PAK3: variants seen among roughly 807,000 people sequenced by gnomAD.
PAK3 encodes the protein serine/threonine-protein kinase PAK 3.
A neutral mutation model predicts 41.0 loss-of-function variants in PAK3; 4 were observed. The observed-to-expected ratio is 0.10, with a 90% confidence interval of 0.05 to 0.22. The LOEUF is 0.22. Ranked by LOEUF, PAK3 falls within the 10% of genes least tolerant of loss-of-function variation. The probability of loss-of-function intolerance (pLI) is 1.00; values close to 1 mark genes in which losing one functional copy is unlikely to be tolerated. For synonymous variants in PAK3, 146 were observed against 139.6 expected (o/e 1.05, Z -0.32); for missense variants, 205 against 409.9 (o/e 0.50, Z 4.32).
intron 1 of PAK3, among the ~76,000 whole-genome samples, chrX:111,004,777 T>A (rs1318955054): frequency 8.9e-6 from 1 of 112,280 alleles, no homozygotes; most frequent in Non-Finnish European, 1.9e-5. Flanking sequence ...TCCTAATGGT[T>A]GTCTAGGAAT....
At chrX:111,176,351 G>A (rs969174367) in intron 11 of PAK3, among the ~76,000 whole-genome samples, 2 of 110,399 alleles carry the variant, frequency 1.8e-5, no homozygotes, top group African/African-American at 6.6e-5. Context: ...GGGGGGCGAA[G>A]GGAGTGAGAG....
At chrX:110,981,399 A>G (rs890386550) in intron 1 of PAK3, among the ~76,000 whole-genome samples, 1 of 111,947 alleles carries the variant, frequency 8.9e-6, no homozygotes, top group African/African-American at 3.3e-5. Context: ...ATTAGATCAT[A>G]ATGTTGCATG....
intron 1 of PAK3, among the ~76,000 whole-genome samples, chrX:111,030,964 G>C (rs972982268): frequency 1.8e-5 from 2 of 111,380 alleles, no homozygotes; most frequent in African/African-American, 6.5e-5. Context: ...GGCAACTGGC[G>C]AACAACTAAC....
At chrX:111,058,054 A>G (rs532576332) in intron 1 of PAK3, among the ~76,000 whole-genome samples, 2 of 112,380 alleles carry the variant, frequency 1.8e-5, no homozygotes, top group African/African-American at 3.2e-5. Flanking sequence ...GTATGGATAT[A>G]CCACATTTTG....
chrX:111,143,767 T>C (rs2093906887), intron 6 of PAK3, among the ~76,000 whole-genome samples: 1 of 112,049 alleles, frequency 8.9e-6, no homozygotes, highest in African/African-American at 3.2e-5. Context: ...TATAAAAATT[T>C]TGCCTAATAA....
intron 8 of PAK3, among the ~76,000 whole-genome samples, chrX:111,161,458 C>T: frequency 9.0e-6 from 1 of 110,852 alleles, no homozygotes; most frequent in African/African-American, 3.3e-5. Flanking sequence ...TGTGCAGAAG[C>T]TCTTTAGTTT....
chrX:110,996,261 G>T lies in PAK3; in HGVS notation c.-28+51633G>T, dbSNP rs1345843723. On this transcript the variant is annotated intron_variant, in intron 1 of 14. Coordinates refer to the PAK3 transcript ENST00000425146. ...GCTTATCACAAACTATAATTATTTT[G>T]CTTATTTTAGCAACTTATTTAGTAA... 2.7e-5 allele frequency among the ~76,000 whole-genome samples: 3 copies of T among 111,413 alleles called. No individual in the cohort carries two copies. The East Asian group carries it at 8.5e-4, about 31-fold the overall frequency.
At position 111,196,536 on chromosome X, in the gene PAK3, A is replaced by T; in HGVS notation, c.1303A>T (p.Thr435Ser). Residue 435 changes from threonine (T) to serine (S), a missense_variant, in exon 16 of 18, where the codon ACT becomes TCT. This residue lies in a region of PAK3 where 42 missense variants were observed against 152.7 expected (regional missense o/e 0.28). Coordinates refer to ENST00000372007, the MANE Select transcript of PAK3 (RefSeq NM_002578.5). ...ATATTGGATGGCACCTGAGGTGGTG[A>T]CTCGAAAAGCTTATGGTCCGAAAGT... ...TPYWMAPEVVTRKAYGPKVDI... is the reference protein window; with the variant it reads ...TPYWMAPEVVSRKAYGPKVDI... 1 of 1,203,203 alleles carries T rather than the reference A, an allele frequency of 8.3e-7. No homozygotes were observed.
rs148384868 is a variant in PAK3, at chrX:110,988,766, A to G, written c.-28+44138A>G. ...TAATTAGAATCAGTTCTAATATCAT[A>G]TAATGGCCCTGGCCTGAAATGTAAG... On this transcript the variant is annotated intron_variant, in intron 1 of 14. Coordinates refer to the PAK3 transcript ENST00000425146. Among the ~76,000 whole-genome samples the G allele has an allele frequency of 3.0e-3, 331 of 112,080 alleles. 3 individuals carry two copies. Among genetic ancestry groups the G allele is most frequent in the African/African-American group, 1.0e-2 (308 of 30,858 alleles).
rs762138016 is a variant in PAK3, at chrX:111,173,001, CCCCA to C, written c.767-12_767-9del. On this transcript the variant is annotated splice_polypyrimidine_tract_variant and intron_variant, in intron 10 of 17. Coordinates refer to ENST00000372007, the MANE Select transcript of PAK3 (RefSeq NM_002578.5). ...TCCACCTCCTCCTCTTTTCTTCTCT[CCCCA>C]CCCATCTCTTAGGAAGCATTGTGAG... 2 of 998,089 alleles carry C rather than the reference CCCCA, an allele frequency of 2.0e-6. No individual in the cohort carries two copies. The highest frequency in any genetic ancestry group is 2.2e-5 in the Admixed American group (1 of 45,293). The allele number at this position is 998,089 out of a possible 1,213,427, so 82.3% of individuals were successfully genotyped here. A position where few individuals can be genotyped will look rare whatever the true frequency, so the allele number is the denominator to read the frequency against.
At chrX:111,179,028 T>G (rs1422783658) in intron 11 of PAK3, among the ~76,000 whole-genome samples, 17 of 106,120 alleles carry the variant, frequency 1.6e-4, no homozygotes, top group East Asian at 2.9e-4. Flanking sequence ...TATATATATA[T>G]ATATGGTTGA....
rs771359607 is a variant in PAK3 at position 110,991,212 on chromosome X, G to A, written c.-28+46584G>A. Among the ~76,000 whole-genome samples, 6 of 111,836 alleles carry A rather than the reference G, an allele frequency of 5.4e-5. No individual in the cohort carries two copies. In the South Asian group the frequency reaches 1.9e-3, roughly 36 times the overall value. On this transcript the variant is annotated intron_variant, in intron 1 of 14. Transcript: ENST00000425146. ...ACAGGTTTGGTTAATTACATCACAG[G>A]AGGGCCTAATACTATAAAATGATCA...
chrX:111,067,772 T>A (rs1188594139), intron 1 of PAK3, among the ~76,000 whole-genome samples: 1 of 111,140 alleles, frequency 9.0e-6, no homozygotes, highest in Non-Finnish European at 1.9e-5. Flanking sequence ...CTAGATTCTA[T>A]TTTTTCTAGA....
At chrX:110,972,350 G>A (rs1248997919) in intron 1 of PAK3, among the ~76,000 whole-genome samples, 1 of 111,632 alleles carries the variant, frequency 9.0e-6, no homozygotes, top group Admixed American at 9.5e-5. Flanking sequence ...CTGGGGAGAA[G>A]CTTCCAGAGG....
At position 111,142,106 on chromosome X, in the gene PAK3, G is replaced by A; in HGVS notation, c.186G>A (p.Lys62=). 1.7e-6 allele frequency: 2 copies of A among 1,180,799 alleles called. No homozygotes were observed. Among genetic ancestry groups the A allele is most frequent in the Non-Finnish European group, 2.3e-6 (2 of 867,371 alleles). The change falls in exon 6 of 18, where the codon AAG becomes AAA. Residue 62 remains lysine (K), a synonymous_variant. Coordinates refer to ENST00000372007, the MANE Select transcript of PAK3 (RefSeq NM_002578.5). The part of the protein sequence containing the change: ...FPGGGDKTNK[K]KEKERPEISL... Reference sequence around the variant, plus strand: ...ACATTTTGCCTTTAGCCAATAAGAAGAAGGAGAAAGAGCGCCCAGAGATCT... The same window carrying A: ...ACATTTTGCCTTTAGCCAATAAGAAAAAGGAGAAAGAGCGCCCAGAGATCT...
chrX:111,006,932 C>A (rs2091941624), intron 1 of PAK3, among the ~76,000 whole-genome samples: 1 of 100,728 alleles, frequency 9.9e-6, no homozygotes, highest in Non-Finnish European at 2.0e-5. Context: ...GAAGCGTCAA[C>A]TTTCCAGGCT....
intron 1 of PAK3, among the ~76,000 whole-genome samples, chrX:110,961,361 AC>A (rs1224929397): frequency 1.8e-5 from 2 of 111,493 alleles, no homozygotes; most frequent in Non-Finnish European, 3.8e-5. Flanking sequence ...GTTATGTTAA[AC>A]CAACCTGCAC....
At chrX:111,088,884 G>A (rs1422632395) in intron 1 of PAK3, among the ~76,000 whole-genome samples, 2 of 111,818 alleles carry the variant, frequency 1.8e-5, no homozygotes, top group Non-Finnish European at 3.8e-5. Context: ...CATTCTCCCA[G>A]CCTGATTAAT....
Position 111,144,895 on chromosome X carries a change from C to T in PAK3, c.276+2699C>T, listed in dbSNP as rs762095000. 1.1e-5 allele frequency: 13 copies of T among 1,134,539 alleles called. No homozygotes were observed. In the South Asian group the frequency reaches 1.7e-4, roughly 15 times the overall value. The allele number at this position is 1,134,539 out of a possible 1,213,427, so 93.5% of individuals were successfully genotyped here. The stretch of plus-strand genomic sequence containing the variant: ...TCCAGACCTCTAGACCTGTGACGGT[C>T]GCTTCAAGTCAATCAGAGGGAAAAA... On this transcript the variant is annotated intron_variant, in intron 6 of 17. Coordinates refer to ENST00000372007, the MANE Select transcript of PAK3 (RefSeq NM_002578.5).
Sources: gnomAD v4.1 joint callset for allele counts (sites outside exome capture counted in the v4.1 genomes callset) on GRCh38, gnomAD v4.1.1 for gene constraint, gnomAD v4.1.1 regional missense constraint, MANE v1.5 for transcripts, NCBI Gene and HGNC (gene_info 2026-07-23, HGNC 2026-07-21) for gene names.